The following ZSCAN25 variants were observed in gnomAD, a reference collection of about 807,000 sequenced individuals.
ZSCAN25 encodes zinc finger and SCAN domain-containing protein 25.
In ZSCAN25, 27 loss-of-function variants were observed where a neutral mutation model predicts 38.7. The ratio of observed to expected loss-of-function variants is 0.70; its 90% confidence interval spans 0.51 to 0.96. The LOEUF (loss-of-function observed/expected upper bound fraction) is 0.96, where lower values mean the gene tolerates loss of function less well. Ranked by LOEUF, ZSCAN25 falls within the 40% of genes least tolerant of loss-of-function variation. The pLI, the probability that ZSCAN25 is intolerant of heterozygous loss-of-function variation, is 0.00. For missense variants in ZSCAN25, 637 were observed against 705.9 expected, an observed-to-expected ratio of 0.90 and a Z score of 1.11; for synonymous variants, 273 against 277.7, an observed-to-expected ratio of 0.98 and a Z score of 0.17.
At chr7:99,732,484 G>A in the ZSCAN25 span, among the ~76,000 whole-genome samples, 6 of 151,768 alleles carry the variant, frequency 4.0e-5, no homozygotes, top group South Asian at 2.1e-4. Flanking sequence ...AGTTTATTGC[G>A]TCTGCACATC....
chr7:99,629,187 G>A lies in ZSCAN25; in HGVS notation c.806-4G>A, dbSNP rs1047761053. 22 of 1,604,358 alleles carry A rather than the reference G, an allele frequency of 1.4e-5. No individual in the cohort carries two copies. Among genetic ancestry groups the A allele is most frequent in the African/African-American group, 4.0e-5 (3 of 74,460 alleles). On this transcript the variant is annotated splice_region_variant and splice_polypyrimidine_tract_variant and intron_variant, in intron 7 of 7. Coordinates refer to ENST00000394152, the MANE Select transcript of ZSCAN25 (RefSeq NM_145115.3). The surrounding 1 kb of genome is among the most constrained non-coding windows in gnomAD (Gnocchi z 5.6). ...ATCAATCTTTATCTCCTCCTGTCCT[G>A]TAGGCGGTGGGAGCAAGGAAAAGGA...
the ZSCAN25 span, among the ~76,000 whole-genome samples, chr7:99,723,570 A>G: frequency 2.0e-5 from 3 of 152,086 alleles, no homozygotes; most frequent in East Asian, 3.9e-4. Flanking sequence ...ATGGACGCAA[A>G]TGACATTTGG....
At chr7:99,708,692 A>G in the ZSCAN25 span, among the ~76,000 whole-genome samples, 2 of 152,282 alleles carry the variant, frequency 1.3e-5, no homozygotes, top group South Asian at 4.1e-4. Flanking sequence ...ATTCCTGAAG[A>G]TTTGAGTATA....
the ZSCAN25 span, among the ~76,000 whole-genome samples, chr7:99,683,702 C>G: frequency 2.0e-5 from 3 of 152,126 alleles, no homozygotes; most frequent in Non-Finnish European, 4.4e-5. Context: ...CAGGCCACCC[C>G]TCTGTGTCGA....
the ZSCAN25 span, among the ~76,000 whole-genome samples, chr7:99,662,188 A>T: frequency 2.0e-5 from 3 of 152,264 alleles, no homozygotes; most frequent in South Asian, 6.2e-4. This position sits in a 1 kb window ranked among gnomAD's most constrained non-coding sequence, Gnocchi z 4.3. Context: ...AATATTCAAA[A>T]ATTTTGTGAG....
At chr7:99,710,738 G>A in the ZSCAN25 span, 1 of 1,613,748 alleles carries the variant, frequency 6.2e-7, no homozygotes. Flanking sequence ...TCACCTTATT[G>A]GGTAAAACTG....
intron 1 of ZSCAN25, among the ~76,000 whole-genome samples, chr7:99,617,470 A>G (rs1237571564): frequency 6.6e-6 from 1 of 152,190 alleles, no homozygotes; most frequent in Non-Finnish European, 1.5e-5. Flanking sequence ...GGTCCCAGCT[A>G]CTCGGGAGGC....
downstream of ZSCAN25, chr7:99,632,538 T>TA (rs1808083746): frequency 6.4e-6 from 1 of 155,336 alleles, no homozygotes; most frequent in Non-Finnish European, 1.4e-5. Context: ...TGTGGTGGCT[T>TA]ACACCTGTGA....
In ZSCAN25 at chr7:99,632,073, T is replaced by A. The variant is rs1357304583; in HGVS notation, c.*2053T>A. On this transcript the variant is annotated 3_prime_UTR_variant, in exon 8 of 8. Transcript: ENST00000394152. ...CTGAATCACAGATGCTCTTTTGTCATACACAGCCAGCATTCCTCTGGGTTT... is the reference window on the plus strand; with the variant it reads ...CTGAATCACAGATGCTCTTTTGTCAAACACAGCCAGCATTCCTCTGGGTTT... 1 of 985,302 alleles carries A rather than the reference T, an allele frequency of 1.0e-6. No individual in the cohort carries two copies. Among genetic ancestry groups the A allele is most frequent in the Admixed American group, 6.1e-5 (1 of 16,268 alleles). 61.0% of individuals were successfully genotyped at this position (985,302 alleles called of 1,614,324 possible). A position where few individuals can be genotyped will look rare whatever the true frequency, so the allele number is the denominator to read the frequency against.
the ZSCAN25 span, chr7:99,666,836 T>A: frequency 1.3e-6 from 2 of 1,576,480 alleles, no homozygotes; most frequent in Non-Finnish European, 1.7e-6. Flanking sequence ...AAAGACCATT[T>A]TTAGGAAGCT....
chr7:99,731,314 C>T, the ZSCAN25 span, among the ~76,000 whole-genome samples: 95 of 152,296 alleles, frequency 6.2e-4, no homozygotes, highest in African/African-American at 2.2e-3. Context: ...ATTTGTTCAT[C>T]AGGTCCTTTC....
chr7:99,715,748 G>C, the ZSCAN25 span: 15 of 1,613,496 alleles, frequency 9.3e-6, no homozygotes, highest in Non-Finnish European at 1.3e-5. Flanking sequence ...GGAAATAGTA[G>C]TCCACATACT....
chr7:99,625,784 T>G (rs1455002926), intron 7 of ZSCAN25, among the ~76,000 whole-genome samples: 1 of 152,176 alleles, frequency 6.6e-6, no homozygotes, highest in Non-Finnish European at 1.5e-5. Flanking sequence ...TTCTGGAGAC[T>G]GGTTCTGTCC....
chr7:99,632,149 T>C lies in ZSCAN25; in HGVS notation c.*2129T>C. 1.0e-6 allele frequency: 1 copy of C among 985,446 alleles called. No homozygotes were observed. The highest frequency in any genetic ancestry group is 1.2e-6 in the Non-Finnish European group (1 of 829,942). 61.0% of individuals were successfully genotyped at this position (985,446 alleles called of 1,614,324 possible). ...CAGAAGGAGCTGGGCCTTGCTGACT[T>C]TCCTATCTGGCCTCTTCCCTATCTC... On this transcript the variant is annotated 3_prime_UTR_variant, in exon 8 of 8. Transcript: ENST00000394152.
the ZSCAN25 span, among the ~76,000 whole-genome samples, chr7:99,683,581 A>G: frequency 6.6e-6 from 1 of 152,024 alleles, no homozygotes; most frequent in East Asian, 1.9e-4. Flanking sequence ...TATTTCATCA[A>G]TCCCCTTTAT....
At chr7:99,661,754 C>T in the ZSCAN25 span, among the ~76,000 whole-genome samples, 3 of 152,192 alleles carry the variant, frequency 2.0e-5, no homozygotes, top group Non-Finnish European at 2.9e-5. Context: ...TAAATTCAAC[C>T]ATCCAATTAT....
At chr7:99,731,656 C>T in the ZSCAN25 span, among the ~76,000 whole-genome samples, 2 of 152,196 alleles carry the variant, frequency 1.3e-5, no homozygotes, top group Non-Finnish European at 1.5e-5. Context: ...AGAATTTGCT[C>T]AGAGGCTTTT....
the ZSCAN25 span, among the ~76,000 whole-genome samples, chr7:99,682,719 A>G: frequency 6.6e-6 from 1 of 151,868 alleles, no homozygotes; most frequent in African/African-American, 2.4e-5. Flanking sequence ...TTTGGGTAGT[A>G]TGGACATTTT....
the ZSCAN25 span, among the ~76,000 whole-genome samples, chr7:99,711,634 G>T: frequency 6.6e-6 from 1 of 152,320 alleles, no homozygotes; most frequent in Admixed American, 6.5e-5. Flanking sequence ...CAGGCATGGT[G>T]ACGCATGCCT....
Sources: allele counts gnomAD v4.1 joint callset (sites outside exome capture counted in the v4.1 genomes callset), GRCh38; gene constraint gnomAD v4.1.1; non-coding constraint Gnocchi (gnomAD v3.1); transcripts MANE v1.5; gene names NCBI Gene and HGNC (gene_info 2026-07-23, HGNC 2026-07-21).